The following ZBTB20 variants were observed in gnomAD, a reference collection of about 807,000 sequenced individuals.
ZBTB20 encodes the protein zinc finger and BTB domain containing 20, also known as zinc finger and BTB domain-containing protein 20.
ZBTB20 carries 9 observed loss-of-function variants against 56.9 expected under a neutral mutation model. The observed-to-expected ratio is 0.16, with a 90% CI of 0.10 to 0.28. The LOEUF is 0.28. Among genes scored for constraint, ZBTB20 ranks in the 10% least tolerant of loss-of-function variants. The probability of loss-of-function intolerance (pLI) is 1.00; values close to 1 mark genes in which losing one functional copy is unlikely to be tolerated. For missense variants in ZBTB20, 655 were observed against 1,003.0 expected (o/e 0.65, Z 4.69); for synonymous variants, 417 against 420.7 (o/e 0.99, Z 0.11).
In ZBTB20 at chr3:114,351,823, G is replaced by A. The variant is rs745568648; in HGVS notation, c.255C>T (p.Asn85=). The A allele has an allele frequency of 6.2e-7, 1 of 1,605,524 alleles. No homozygotes were observed. The highest frequency in any genetic ancestry group is 1.1e-5 in the South Asian group (1 of 90,940). ...GGGTCTCGAGCACGGAATTGCTGAA[G>A]TTGTGAAGGTTGATGCTGTGAATGC... is the stretch of plus-strand genomic sequence containing the variant. ...TERIHSINLH[N]FSNSVLETLN... Residue 85 remains asparagine (N), a synonymous_variant, in exon 11 of 12, where the codon AAC becomes AAT. Coordinates refer to ENST00000675478, the MANE Select transcript of ZBTB20 (RefSeq NM_001348800.3).
At chr3:114,532,047 C>A (rs1260447051) in intron 6 of ZBTB20, among the ~76,000 whole-genome samples, 1 of 152,126 alleles carries the variant, frequency 6.6e-6, no homozygotes, top group East Asian at 1.9e-4. Context: ...GGTTTCAAGA[C>A]AAAACTGGGC....
intron 5 of ZBTB20, among the ~76,000 whole-genome samples, chr3:114,787,989 A>C (rs1209257994): frequency 1.3e-5 from 2 of 152,162 alleles, no homozygotes; most frequent in African/African-American, 4.8e-5. Context: ...CTGCCTGTTA[A>C]TCAAGGATAA....
At chr3:114,567,679 A>G (rs2052943020) in intron 6 of ZBTB20, among the ~76,000 whole-genome samples, 1 of 151,952 alleles carries the variant, frequency 6.6e-6, no homozygotes, top group Non-Finnish European at 1.5e-5. Flanking sequence ...CCTACATCAC[A>G]CATACAAAAC....
intron 4 of ZBTB20, among the ~76,000 whole-genome samples, chr3:114,871,539 C>T (rs990811058): frequency 1.3e-5 from 2 of 152,110 alleles, no homozygotes; most frequent in Non-Finnish European, 2.9e-5. Context: ...TTAAAAAACA[C>T]CAATTATTCT....
At chr3:114,727,813 A>G (rs2065419972) in intron 5 of ZBTB20, among the ~76,000 whole-genome samples, 1 of 152,204 alleles carries the variant, frequency 6.6e-6, no homozygotes, top group African/African-American at 2.4e-5. Flanking sequence ...TCCTTAAAAT[A>G]AGAAGCTATA....
At chr3:114,525,622 A>G (rs2047133105) in intron 6 of ZBTB20, among the ~76,000 whole-genome samples, 1 of 152,072 alleles carries the variant, frequency 6.6e-6, no homozygotes, top group Non-Finnish European at 1.5e-5. Context: ...TATATTTTCT[A>G]ATTGTTTCAT....
At chr3:114,606,218 A>G (rs1384302608) in intron 6 of ZBTB20, among the ~76,000 whole-genome samples, 1 of 152,138 alleles carries the variant, frequency 6.6e-6, no homozygotes, top group Non-Finnish European at 1.5e-5. Flanking sequence ...GTTCTTTCCC[A>G]TCAATGAATT....
At chr3:115,010,500 C>T (rs1014162635) in intron 2 of ZBTB20, among the ~76,000 whole-genome samples, 2 of 151,946 alleles carry the variant, frequency 1.3e-5, no homozygotes, top group Non-Finnish European at 2.9e-5. Context: ...ACAAGAGTCT[C>T]TGCCTGGTAA....
intron 4 of ZBTB20, among the ~76,000 whole-genome samples, chr3:114,856,357 A>G (rs1387340809): frequency 6.6e-6 from 1 of 152,156 alleles, no homozygotes; most frequent in Non-Finnish European, 1.5e-5. Context: ...CATTGAACAG[A>G]TGTTCCCAAG....
At chr3:114,442,300 TAG>T (rs1254658173) in intron 7 of ZBTB20, among the ~76,000 whole-genome samples, 1 of 152,154 alleles carries the variant, frequency 6.6e-6, no homozygotes, top group African/African-American at 2.4e-5. Flanking sequence ...TATAAATGAA[TAG>T]AGAGTGAAAA....
In ZBTB20 at chr3:114,355,841, A is replaced by C. The variant is rs547119958; in HGVS notation, c.200-3963T>G. On this transcript the variant is annotated intron_variant, in intron 10 of 11. Coordinates refer to ENST00000675478, the MANE Select transcript of ZBTB20 (RefSeq NM_001348800.3). The stretch of plus-strand genomic sequence containing the variant: ...CATTTGGGCTATTCAAGAAAAAAAA[A>C]ACACACACACACACACCCAAACCCC... 1.8e-3 allele frequency among the ~76,000 whole-genome samples: 273 copies of C among 151,106 alleles called. 1 individual carries two copies. The highest frequency in any genetic ancestry group is 3.2e-3 in the Admixed American group (49 of 15,196).
chr3:115,011,270 T>C (rs940848584), intron 2 of ZBTB20, among the ~76,000 whole-genome samples: 9 of 151,846 alleles, frequency 5.9e-5, no homozygotes, highest in Admixed American at 3.9e-4. Flanking sequence ...TTCCCAACCC[T>C]AGAGAAATAT....
At chr3:115,141,644 A>C (rs1190982049) in intron 1 of ZBTB20, among the ~76,000 whole-genome samples, 1 of 152,186 alleles carries the variant, frequency 6.6e-6, no homozygotes, top group East Asian at 1.9e-4. Flanking sequence ...GCCAAAAGAA[A>C]ATGACAATAC....
chr3:114,344,971 C>T (rs1237327958), intron 11 of ZBTB20, among the ~76,000 whole-genome samples: 1 of 116,186 alleles, frequency 8.6e-6, no homozygotes, highest in Non-Finnish European at 1.9e-5. Flanking sequence ...ATATTTATCT[C>T]TTGTGGGTAA....
At chr3:114,448,525 G>A (rs1160710061) in intron 7 of ZBTB20, among the ~76,000 whole-genome samples, 2 of 152,042 alleles carry the variant, frequency 1.3e-5, no homozygotes, top group African/African-American at 4.8e-5. Context: ...CTTTCCAAGA[G>A]ATTGCAGGTT....
intron 6 of ZBTB20, among the ~76,000 whole-genome samples, chr3:114,514,938 C>A (rs1025476134): frequency 1.3e-5 from 2 of 152,166 alleles, no homozygotes; most frequent in African/African-American, 4.8e-5. Flanking sequence ...TCTGCTCTTA[C>A]ATGCACAGGT....
chr3:114,896,885 G>A lies in ZBTB20; in HGVS notation c.-417+3419C>T, dbSNP rs1359581438. Among the ~76,000 whole-genome samples the A allele has an allele frequency of 2.0e-5, 3 of 152,042 alleles. No individual in the cohort carries two copies. In the East Asian group the frequency reaches 5.8e-4, roughly 29 times the overall value. On this transcript the variant is annotated intron_variant, in intron 4 of 11. Transcript: ENST00000675478. The stretch of plus-strand genomic sequence containing the variant: ...TTTTATAATATCTTCTAAGGCCAGG[G>A]AAGCAGAGGTAACTTTGTATAGAAC...
chr3:115,073,422 T>A (rs1048311314), intron 1 of ZBTB20, among the ~76,000 whole-genome samples: 2 of 152,190 alleles, frequency 1.3e-5, no homozygotes, highest in African/African-American at 4.8e-5. Context: ...TGTTCTGATA[T>A]TTCTTATTCC....
intron 6 of ZBTB20, among the ~76,000 whole-genome samples, chr3:114,559,146 GAA>G (rs2051665286): frequency 6.6e-6 from 1 of 152,134 alleles, no homozygotes; most frequent in Admixed American, 6.5e-5. Flanking sequence ...CCAGTGTCTG[GAA>G]TAGTAGGTGC....
Sources: gnomAD v4.1 joint callset for allele counts (sites outside exome capture counted in the v4.1 genomes callset) on GRCh38, gnomAD v4.1.1 for gene constraint, MANE v1.5 for transcripts, NCBI Gene and HGNC (gene_info 2026-07-23, HGNC 2026-07-21) for gene names.